Variants in OPCML observed in about 807,000 individuals in gnomAD.
OPCML encodes the protein opioid binding protein/cell adhesion molecule like.
In OPCML, 13 loss-of-function variants were observed where a neutral mutation model predicts 37.8. The observed-to-expected ratio is 0.34, with a 90% CI of 0.22 to 0.55. The LOEUF (loss-of-function observed/expected upper bound fraction) is 0.55, where lower values mean the gene tolerates loss of function less well. OPCML is among the 20% of genes least tolerant of loss of function. The pLI is 0.91. For missense variants in OPCML, 341 were observed against 435.6 expected (o/e 0.78, Z 1.93); for synonymous variants, 176 against 168.8 (o/e 1.04, Z -0.33).
intron 3 of OPCML, among the ~76,000 whole-genome samples, chr11:132,545,401 C>G (rs1010971178): frequency 6.6e-6 from 1 of 152,122 alleles, no homozygotes; most frequent in Admixed American, 6.5e-5. Context: ...ATATTTTTCT[C>G]TTTCCCAGTA....
At chr11:132,535,228 T>A (rs1484889792) in intron 3 of OPCML, among the ~76,000 whole-genome samples, 2 of 152,118 alleles carry the variant, frequency 1.3e-5, no homozygotes, top group Non-Finnish European at 2.9e-5. Flanking sequence ...GCATATTCAA[T>A]AACTAACCAT....
intron 1 of OPCML, among the ~76,000 whole-genome samples, chr11:132,957,315 C>A (rs1450271060): frequency 6.6e-6 from 1 of 151,856 alleles, no homozygotes; most frequent in Non-Finnish European, 1.5e-5. Flanking sequence ...AAGAAAATGG[C>A]AAAGAGGAAG....
intron 4 of OPCML, among the ~76,000 whole-genome samples, chr11:132,497,409 A>T (rs2096234778): frequency 7.2e-6 from 1 of 139,738 alleles, no homozygotes; most frequent in Non-Finnish European, 1.5e-5. Flanking sequence ...TTAAAATAAA[A>T]GCTGAACAAA....
In OPCML at chr11:132,642,101, C is replaced by A. The variant is rs572294047; in HGVS notation, c.379+14986G>T. ...TTCCATTGGGTATGCAGTAGTGGCC[C>A]CTGAAAGACACAGACTTGGGGAGGT... On this transcript the variant is annotated intron_variant, in intron 3 of 7. Coordinates refer to ENST00000524381, the MANE Select transcript of OPCML (RefSeq NM_001012393.5). 5.2e-4 allele frequency among the ~76,000 whole-genome samples: 79 copies of A among 152,252 alleles called. No individual in the cohort carries two copies. The South Asian group carries it at 0.016, about 31-fold the overall frequency.
At chr11:133,164,624 C>A (rs1950185221) in intron 1 of OPCML, among the ~76,000 whole-genome samples, 1 of 152,206 alleles carries the variant, frequency 6.6e-6, no homozygotes, top group African/African-American at 2.4e-5. Flanking sequence ...GGATGACAGA[C>A]ATTAAGGCAC....
At chr11:132,910,140 T>C (rs1944377434) in intron 2 of OPCML, among the ~76,000 whole-genome samples, 1 of 152,216 alleles carries the variant, frequency 6.6e-6, no homozygotes, top group Non-Finnish European at 1.5e-5. Flanking sequence ...TGAGCACTGC[T>C]TTCAATAAGC....
rs1372781591 is a variant in OPCML, at chr11:133,211,180, G to A, written c.62-268170C>T. Among the ~76,000 whole-genome samples the A allele has an allele frequency of 2.0e-5, 3 of 152,040 alleles. No homozygotes were observed. Among genetic ancestry groups the A allele is most frequent in the Non-Finnish European group, 4.4e-5 (3 of 67,990 alleles). ...ATCAAATATTTCTGCAAATTCTGATGATTTAATGTACTCATTTCCCTCAGG... is the reference window on the plus strand; with the variant it reads ...ATCAAATATTTCTGCAAATTCTGATAATTTAATGTACTCATTTCCCTCAGG... On this transcript the variant is annotated intron_variant, in intron 1 of 7. Coordinates refer to ENST00000524381, the MANE Select transcript of OPCML (RefSeq NM_001012393.5). The surrounding 1 kb of genome is among the most constrained non-coding windows in gnomAD (Gnocchi z 4.1).
intron 3 of OPCML, among the ~76,000 whole-genome samples, chr11:132,614,843 A>G (rs1348196095): frequency 6.6e-6 from 1 of 152,202 alleles, no homozygotes; most frequent in Non-Finnish European, 1.5e-5. Context: ...TGGAAAGTCC[A>G]ATAACATACT....
chr11:132,965,883 T>C (rs1217841221), intron 1 of OPCML, among the ~76,000 whole-genome samples: 1 of 152,214 alleles, frequency 6.6e-6, no homozygotes, highest in Non-Finnish European at 1.5e-5. Flanking sequence ...TGTAAGGTCA[T>C]TAATAATGTC....
intron 2 of OPCML, among the ~76,000 whole-genome samples, chr11:132,776,341 C>A (rs539494674): frequency 6.6e-5 from 10 of 152,172 alleles, no homozygotes; most frequent in African/African-American, 2.4e-4. Context: ...GTGGTGTTAT[C>A]TTTTCATTTC....
At chr11:132,860,722 G>T (rs534242239) in intron 2 of OPCML, 2 of 152,276 alleles carry the variant, frequency 1.3e-5, no homozygotes, top group East Asian at 3.9e-4. Flanking sequence ...CAAAAAAGCT[G>T]TTTGAACGCT....
chr11:133,045,090 A>C (rs1314456341), intron 1 of OPCML, among the ~76,000 whole-genome samples: 4 of 152,312 alleles, frequency 2.6e-5, no homozygotes, highest in South Asian at 2.1e-4. Context: ...CCAGTCGAAG[A>C]AGCCCAGGAA....
intron 1 of OPCML, among the ~76,000 whole-genome samples, chr11:133,249,940 G>A (rs1941070920): frequency 6.6e-6 from 1 of 152,182 alleles, no homozygotes; most frequent in Admixed American, 6.5e-5. Flanking sequence ...AAGCCAAGAG[G>A]AAGCAACACA....
At chr11:132,842,025 C>T (rs1449127171) in intron 2 of OPCML, among the ~76,000 whole-genome samples, 1 of 152,038 alleles carries the variant, frequency 6.6e-6, no homozygotes, top group Non-Finnish European at 1.5e-5. Context: ...GTGACAGGCT[C>T]TCAGTAACAC....
At chr11:133,057,310 C>A (rs532528847) in intron 1 of OPCML, among the ~76,000 whole-genome samples, 5 of 152,324 alleles carry the variant, frequency 3.3e-5, no homozygotes, top group Admixed American at 3.3e-4. Context: ...CATAGATTGG[C>A]ATGGGGTTTG....
rs143650226 is a variant in OPCML at position 132,437,268 on chromosome 11, G to A, written c.597C>T (p.Asn199=). The change falls in exon 5 of 8, where the codon AAC becomes AAT. Residue 199 remains asparagine, a synonymous_variant. Transcript: ENST00000524381. ...TCCGCACATCGGGCGCAGCGACATC[G>A]TTCAACGCGCTGCATTCGTACTCCC... ...QSGEYECSAL[N]DVAAPDVRKV... 3.3e-5 allele frequency: 53 copies of A among 1,614,200 alleles called. No individual in the cohort carries two copies. Among genetic ancestry groups the A allele is most frequent in the Non-Finnish European group, 4.0e-5 (47 of 1,180,038 alleles).
At chr11:133,051,957 G>A (rs578153667) in intron 1 of OPCML, among the ~76,000 whole-genome samples, 31 of 152,276 alleles carry the variant, frequency 2.0e-4, no homozygotes, top group African/African-American at 6.5e-4. Context: ...CAGAGTCAGC[G>A]GGGAGGAGAT....
chr11:132,444,013 G>A (rs1042653061), intron 4 of OPCML, among the ~76,000 whole-genome samples: 3 of 152,228 alleles, frequency 2.0e-5, no homozygotes, highest in African/African-American at 7.2e-5. Flanking sequence ...TTGCACAGTA[G>A]AATGCTTGAC....
At chr11:133,419,048 G>T (rs1023792355) in intron 1 of OPCML, among the ~76,000 whole-genome samples, 5 of 152,088 alleles carry the variant, frequency 3.3e-5, no homozygotes, top group African/African-American at 1.2e-4. Flanking sequence ...CTAGCCCCCT[G>T]CCCACCAAAC....
Sources: gnomAD v4.1 joint callset for allele counts (sites outside exome capture counted in the v4.1 genomes callset) on GRCh38, gnomAD v4.1.1 for gene constraint, Gnocchi (gnomAD v3.1) non-coding constraint, MANE v1.5 for transcripts, NCBI Gene and HGNC (gene_info 2026-07-23, HGNC 2026-07-21) for gene names.